Variants in CDYL2 observed in about 807,000 individuals in gnomAD.
CDYL2 encodes the protein chromodomain Y-like protein 2.
Under a neutral mutation model 49.4 loss-of-function variants are expected in CDYL2, and 23 were observed. The observed-to-expected ratio is 0.47, with a 90% CI of 0.34 to 0.66. The LOEUF is 0.66. Ranked by LOEUF, CDYL2 falls within the 30% of genes least tolerant of loss-of-function variation. The probability of loss-of-function intolerance (pLI) is 0.01; values close to 1 mark genes in which losing one functional copy is unlikely to be tolerated. For missense variants in CDYL2, 678 were observed against 656.4 expected (o/e 1.03, Z -0.36); for synonymous variants, 360 against 268.8 (o/e 1.34, Z -3.32).
chr16:80,627,814 G>T (rs1907369551), intron 3 of CDYL2: 2 of 152,170 alleles, frequency 1.3e-5, no homozygotes, highest in South Asian at 2.1e-4. Context: ...GCATTTTGAA[G>T]TCCTAAATAT....
intron 1 of CDYL2, among the ~76,000 whole-genome samples, chr16:80,775,507 C>G (rs901824261): frequency 6.6e-6 from 1 of 151,254 alleles, no homozygotes; most frequent in Non-Finnish European, 1.5e-5. Context: ...AAAATAGCTT[C>G]AAATATGTTT....
Position 80,684,850 on chromosome 16 carries a change from TC to T in CDYL2, c.303del (p.Thr102ProfsTer45). On this transcript the variant is annotated frameshift_variant, in exon 2 of 7. Coordinates refer to ENST00000570137, the MANE Select transcript of CDYL2 (RefSeq NM_152342.4). LOFTEE classifies it high-confidence loss of function. ...HRPSDPGKSKGTSHKRKRINP... is the reference protein window; with the variant it reads ...HRPSDPGKSKXTSHKRKRINP... ...TTAATTCGCTTCCGTTTATGGGAGG[TC>T]CCCTTGCTCTTTCCAGGATCTGAAG... 6.2e-7 allele frequency: 1 copy of T among 1,613,866 alleles called. No homozygotes were observed. Among genetic ancestry groups the T allele is most frequent in the Non-Finnish European group, 8.5e-7 (1 of 1,179,996 alleles).
At chr16:80,681,511 C>T (rs988071155) in intron 2 of CDYL2, among the ~76,000 whole-genome samples, 5 of 152,168 alleles carry the variant, frequency 3.3e-5, no homozygotes, top group Admixed American at 6.5e-5. Context: ...CATCCCCTGT[C>T]TTGGGTCTTG....
At chr16:80,764,755 G>A (rs1597122264) in intron 1 of CDYL2, among the ~76,000 whole-genome samples, 1 of 151,966 alleles carries the variant, frequency 6.6e-6, no homozygotes, top group Non-Finnish European at 1.5e-5. Flanking sequence ...CTGATAATAT[G>A]GAATAGAAAG....
intron 1 of CDYL2, among the ~76,000 whole-genome samples, chr16:80,736,054 T>G (rs977469123): frequency 2.0e-5 from 3 of 152,204 alleles, no homozygotes; most frequent in African/African-American, 7.2e-5. Flanking sequence ...GTAACCAGCC[T>G]TTTATGACAT....
chr16:80,662,062 G>T (rs1340412751), intron 2 of CDYL2, among the ~76,000 whole-genome samples: 2 of 152,184 alleles, frequency 1.3e-5, no homozygotes, highest in Non-Finnish European at 2.9e-5. Flanking sequence ...CTCACTCACA[G>T]ATCATGAAGT....
At chr16:80,798,665 G>C (rs1319093684) in intron 1 of CDYL2, among the ~76,000 whole-genome samples, 1 of 152,138 alleles carries the variant, frequency 6.6e-6, no homozygotes, top group Non-Finnish European at 1.5e-5. Flanking sequence ...GCTACTAGTA[G>C]TTAAGTTTCT....
At position 80,607,499 on chromosome 16, in the gene CDYL2, T is replaced by C. The variant is rs548660984; in HGVS notation, c.1362+593A>G. 1.2e-4 allele frequency among the ~76,000 whole-genome samples: 18 copies of C among 152,074 alleles called. No individual in the cohort carries two copies. The East Asian group carries it at 3.3e-3, about 28-fold the overall frequency. On this transcript the variant is annotated intron_variant, in intron 6 of 6. Coordinates refer to ENST00000570137, the MANE Select transcript of CDYL2 (RefSeq NM_152342.4). ...GGAACCAGCCCTGGGGCCGCAGGAG[T>C]GGCCTTGTCTCCACCTTCCCACAGG...
At chr16:80,711,986 T>C (rs1215890280) in intron 1 of CDYL2, among the ~76,000 whole-genome samples, 4 of 151,174 alleles carry the variant, frequency 2.6e-5, no homozygotes, top group Non-Finnish European at 4.4e-5. Context: ...CATATATATA[T>C]GTATGTATAT....
intron 1 of CDYL2, among the ~76,000 whole-genome samples, chr16:80,715,229 G>A (rs114645403): frequency 0.011 from 1,654 of 152,214 alleles, 32 homozygotes; most frequent in African/African-American, 0.038. Flanking sequence ...GCACTGACGT[G>A]GGCTCCACAG....
chr16:80,685,026 T>G lies in CDYL2; in HGVS notation c.128A>C (p.His43Pro), dbSNP rs756017327. The G allele has an allele frequency of 1.2e-6, 2 of 1,614,194 alleles. No individual in the cohort carries two copies. The highest frequency in any genetic ancestry group is 1.1e-5 in the South Asian group (1 of 91,078). Reference protein sequence around the residue: ...GSTEDTWEPEHHLLHCEEFID... With the variant: ...GSTEDTWEPEPHLLHCEEFID... ...AAACTCCTCACAGTGCAAGAGGTGGTGCTCCGGCTCCCACGTGTCCTCGGT... is the reference window on the plus strand; with the variant it reads ...AAACTCCTCACAGTGCAAGAGGTGGGGCTCCGGCTCCCACGTGTCCTCGGT... The change falls in exon 2 of 7, where the codon CAC becomes CCC. Residue 43 changes from histidine to proline, a missense_variant. His to Pro is a moderately conservative substitution (Grantham distance 77, BLOSUM62 -2). Transcript: ENST00000570137.
intron 1 of CDYL2, among the ~76,000 whole-genome samples, chr16:80,746,816 T>G (rs533488347): frequency 5.9e-5 from 9 of 152,228 alleles, no homozygotes; most frequent in Admixed American, 5.9e-4. Context: ...TAACCCATTA[T>G]TGTTGGCTGA....
At chr16:80,654,444 C>T (rs4889191) in intron 2 of CDYL2, among the ~76,000 whole-genome samples, 66,623 of 152,056 alleles carry the variant, frequency 0.44, 15,556 homozygotes, top group East Asian at 0.6. Context: ...CTTAGCACAA[C>T]ACCATTCTGG....
At chr16:80,729,012 G>C (rs1905247730) in intron 1 of CDYL2, among the ~76,000 whole-genome samples, 1 of 151,764 alleles carries the variant, frequency 6.6e-6, no homozygotes, top group Non-Finnish European at 1.5e-5. Context: ...AAAATGTAAA[G>C]ACCATCGAGA....
chr16:80,684,929 G>A lies in CDYL2; in HGVS notation c.225C>T (p.Ser75=). The stretch of plus-strand genomic sequence containing the variant: ...GGCCTCGACTGTCACGCAGCAGCTT[G>A]GAGGTACTGGACTGCTTCCCTGACT... ...RIKSGKQSST[S]KLLRDSRGPS... is the part of the protein sequence containing the mutation. Residue 75 remains serine (S), a synonymous_variant, in exon 2 of 7, where the codon TCC becomes TCT. Coordinates refer to ENST00000570137, the MANE Select transcript of CDYL2 (RefSeq NM_152342.4). 2.5e-6 allele frequency: 4 copies of A among 1,613,784 alleles called. No individual in the cohort carries two copies. Among genetic ancestry groups the A allele is most frequent in the Non-Finnish European group, 2.5e-6 (3 of 1,179,634 alleles).
At chr16:80,673,583 C>T (rs532579771) in intron 2 of CDYL2, among the ~76,000 whole-genome samples, 100 of 152,218 alleles carry the variant, frequency 6.6e-4, no homozygotes, top group South Asian at 3.7e-3. Context: ...ATAATCTAGA[C>T]GACAAAATTA....
chr16:80,656,659 C>T (rs955774484), intron 2 of CDYL2, among the ~76,000 whole-genome samples: 3 of 152,294 alleles, frequency 2.0e-5, no homozygotes, highest in African/African-American at 4.8e-5. Flanking sequence ...CATAAACTCA[C>T]GTGCTGACAC....
At chr16:80,692,588 C>G (rs1597178268) in intron 1 of CDYL2, among the ~76,000 whole-genome samples, 1 of 152,120 alleles carries the variant, frequency 6.6e-6, no homozygotes, top group Non-Finnish European at 1.5e-5. Context: ...CAAATAAATA[C>G]CTGGAGTTGA....
At chr16:80,797,353 T>C (rs1161979917) in intron 1 of CDYL2, among the ~76,000 whole-genome samples, 1 of 152,210 alleles carries the variant, frequency 6.6e-6, no homozygotes, top group Non-Finnish European at 1.5e-5. Flanking sequence ...AAATTATACC[T>C]TAACTCTTGT....
Sources: allele counts gnomAD v4.1 joint callset (sites outside exome capture counted in the v4.1 genomes callset), GRCh38; gene constraint gnomAD v4.1.1; transcripts MANE v1.5; gene names NCBI Gene and HGNC (gene_info 2026-07-23, HGNC 2026-07-21).